The following UBE2Q2 variants were observed in gnomAD, a reference collection of about 807,000 sequenced individuals.
The protein encoded by UBE2Q2 is ubiquitin conjugating enzyme E2 Q2.
UBE2Q2 carries 54 observed loss-of-function variants against 59.9 expected under a neutral mutation model. The ratio of observed to expected loss-of-function variants is 0.90; its 90% CI spans 0.72 to 1.13. UBE2Q2 has a LOEUF of 1.13. Among genes scored for constraint, UBE2Q2 ranks in the 50% most tolerant of loss-of-function variants. UBE2Q2 has a pLI of 0.00. For missense variants in UBE2Q2, 433 were observed against 441.9 expected, an observed-to-expected ratio of 0.98 and a Z score of 0.18; for synonymous variants, 165 against 155.2, an observed-to-expected ratio of 1.06 and a Z score of -0.47.
intron 5 of UBE2Q2, among the ~76,000 whole-genome samples, chr15:75,875,485 C>T (rs1407031899): frequency 6.6e-6 from 1 of 152,214 alleles, no homozygotes; most frequent in Non-Finnish European, 1.5e-5. Context: ...AATGTGCGAA[C>T]TAGACCATCT....
chr15:75,876,649 T>A (rs1461086932), intron 6 of UBE2Q2, among the ~76,000 whole-genome samples: 1 of 152,182 alleles, frequency 6.6e-6, no homozygotes, highest in East Asian at 1.9e-4. Context: ...TTCCCCCCCA[T>A]TTTTGAAAGC....
At chr15:75,850,514 C>T (rs1896579855) in intron 1 of UBE2Q2, among the ~76,000 whole-genome samples, 1 of 152,152 alleles carries the variant, frequency 6.6e-6, no homozygotes, top group African/African-American at 2.4e-5. Flanking sequence ...CAGGGAAAAC[C>T]CAGATTTTCT....
intron 1 of UBE2Q2, 35 bp downstream of exon 1, chr15:75,843,881 CGAGGACGGAGAGGGG>C (rs1347032810): frequency 5.9e-6 from 9 of 1,521,408 alleles, no homozygotes; most frequent in Non-Finnish European, 6.2e-6. Flanking sequence ...CGGGGCAGGG[CGAGGACGGAGAGGGG>C]GCGCTTCGAG....
Position 75,876,278 on chromosome 15 carries a change from A to G in UBE2Q2, c.673+7A>G. 2 of 1,607,454 alleles carry G rather than the reference A, an allele frequency of 1.2e-6. No homozygotes were observed. Among genetic ancestry groups the G allele is most frequent in the Non-Finnish European group, 8.5e-7 (1 of 1,174,816 alleles). On this transcript the variant is annotated splice_region_variant and intron_variant, in intron 6 of 12. Transcript: ENST00000267938. ...TCACAGAGTTATAAAACAGGTAAGGATCTCTGGATCCCTGCTCTCTTTATG... is the reference window on the plus strand; with the variant it reads ...TCACAGAGTTATAAAACAGGTAAGGGTCTCTGGATCCCTGCTCTCTTTATG...
rs924347206 is a variant in UBE2Q2, at chr15:75,883,839, T to TATAC, written c.884+416_884+417insTACA. Among the ~76,000 whole-genome samples the TATAC allele has an allele frequency of 4.7e-3, 714 of 151,992 alleles. 3 individuals are homozygous for TATAC. Among genetic ancestry groups the TATAC allele is most frequent in the African/African-American group, 0.016 (647 of 41,350 alleles). On this transcript the variant is annotated intron_variant, in intron 9 of 12. Transcript: ENST00000267938. Reference sequence around the variant, plus strand: ...ATTCATACACACATGTATTTATACATACACACACACACACACACACACACA... The same window carrying TATAC: ...ATTCATACACACATGTATTTATACATATACACACACACACACACACACACACACA...
At chr15:75,857,993 G>T (rs567183422) in intron 2 of UBE2Q2, among the ~76,000 whole-genome samples, 1 of 152,210 alleles carries the variant, frequency 6.6e-6, no homozygotes, top group East Asian at 1.9e-4. Context: ...TGTGATAATT[G>T]AGTATAAAAG....
chr15:75,868,732 A>G (rs1331673186), intron 3 of UBE2Q2, among the ~76,000 whole-genome samples: 1 of 152,164 alleles, frequency 6.6e-6, no homozygotes, highest in Non-Finnish European at 1.5e-5. Context: ...TAAGGCAGCC[A>G]TTAAGTTGAA....
intron 9 of UBE2Q2, among the ~76,000 whole-genome samples, chr15:75,884,633 C>T (rs973591951): frequency 1.3e-5 from 2 of 152,014 alleles, no homozygotes; most frequent in African/African-American, 4.8e-5. Context: ...TTGAGTTCTG[C>T]CACATGGTAA....
chr15:75,895,510 A>G (rs1417147905), intron 11 of UBE2Q2, among the ~76,000 whole-genome samples: 1 of 152,038 alleles, frequency 6.6e-6, no homozygotes, highest in Non-Finnish European at 1.5e-5. Flanking sequence ...GAGCTCTTAG[A>G]TGTTGAAAAA....
intron 12 of UBE2Q2, among the ~76,000 whole-genome samples, chr15:75,897,458 A>G (rs1164852049): frequency 2.0e-5 from 3 of 151,880 alleles, no homozygotes; most frequent in Admixed American, 1.3e-4. Context: ...TGACTTTGTG[A>G]TCCGCCCGCC....
At chr15:75,881,252 G>A (rs71403521) in intron 8 of UBE2Q2, among the ~76,000 whole-genome samples, 3,607 of 147,668 alleles carry the variant, frequency 0.024, 63 homozygotes, top group Non-Finnish European at 0.036. Flanking sequence ...TTTTTTATCC[G>A]TCCCTGTGGC....
intron 9 of UBE2Q2, among the ~76,000 whole-genome samples, chr15:75,884,508 C>A (rs1047277985): frequency 3.9e-5 from 6 of 152,064 alleles, no homozygotes; most frequent in Non-Finnish European, 8.8e-5. Context: ...GGTGTTGATA[C>A]TACAGAATAG....
chr15:75,882,981 A>G (rs1447962940), intron 8 of UBE2Q2, among the ~76,000 whole-genome samples: 3 of 152,140 alleles, frequency 2.0e-5, no homozygotes, highest in Non-Finnish European at 2.9e-5. Context: ...CTAAGGGGGA[A>G]AAAAAGATCC....
intron 1 of UBE2Q2, among the ~76,000 whole-genome samples, chr15:75,853,819 G>A (rs918279163): frequency 6.6e-6 from 1 of 152,110 alleles, no homozygotes; most frequent in African/African-American, 2.4e-5. Context: ...GTAGATGTTG[G>A]CAGGATTCAT....
chr15:75,889,281 AG>A (rs1898961526), intron 9 of UBE2Q2, among the ~76,000 whole-genome samples: 1 of 152,214 alleles, frequency 6.6e-6, no homozygotes, highest in Non-Finnish European at 1.5e-5. Flanking sequence ...TCACTTTGAA[AG>A]GTCCCAGGGT....
At chr15:75,893,063 A>G (rs1899192797) in intron 11 of UBE2Q2, among the ~76,000 whole-genome samples, 1 of 152,286 alleles carries the variant, frequency 6.6e-6, no homozygotes, top group African/African-American at 2.4e-5. Context: ...TCTTAGTGGA[A>G]TCCCAGGAGG....
intron 9 of UBE2Q2, among the ~76,000 whole-genome samples, chr15:75,885,190 G>A (rs1015850080): frequency 7.2e-5 from 11 of 151,978 alleles, no homozygotes; most frequent in African/African-American, 2.7e-4. Context: ...CGTGATCTCA[G>A]CTCACTGCAA....
At position 75,843,524 on chromosome 15, in the gene UBE2Q2, A is replaced by G. The variant is rs867102632; in HGVS notation, c.-143A>G. On this transcript the variant is annotated 5_prime_UTR_variant, in exon 1 of 13. Coordinates refer to ENST00000267938, the MANE Select transcript of UBE2Q2 (RefSeq NM_173469.4). ...TCCGCGCCCCTCGCCATTTTCCAGCAGCGCTCGACGAGGCGGAGCCGCGAG... is the reference window on the plus strand; with the variant it reads ...TCCGCGCCCCTCGCCATTTTCCAGCGGCGCTCGACGAGGCGGAGCCGCGAG... 2.3e-6 allele frequency: 1 copy of G among 431,936 alleles called. No homozygotes were observed. The highest frequency in any genetic ancestry group is 7.4e-4 in the Middle Eastern group (1 of 1,346). The allele number at this position is 431,936 out of a possible 1,614,324, so 26.8% of individuals were successfully genotyped here. A position where few individuals can be genotyped will look rare whatever the true frequency, so the allele number is the denominator to read the frequency against.
chr15:75,860,041 A>T, intron 3 of UBE2Q2, 59 bp downstream of exon 3: 1 of 1,193,902 alleles, frequency 8.4e-7, no homozygotes, highest in Admixed American at 2.4e-5. Context: ...GCAAAAGTCA[A>T]ACTAGGATGA....
Sources: gnomAD v4.1 joint callset for allele counts (sites outside exome capture counted in the v4.1 genomes callset) on GRCh38, gnomAD v4.1.1 for gene constraint, MANE v1.5 for transcripts, NCBI Gene and HGNC (gene_info 2026-07-23, HGNC 2026-07-21) for gene names.